Variants in CNOT1 observed in about 807,000 individuals in gnomAD.
CNOT1 encodes CCR4-NOT transcription complex subunit 1, also known as CCR4-associated factor 1.
CNOT1 carries 15 observed loss-of-function variants against 273.8 expected under a neutral mutation model. That is an observed-to-expected ratio of 0.05 (90% CI 0.04 to 0.08). CNOT1 has a LOEUF of 0.08. Ranked by LOEUF, CNOT1 falls within the 10% of genes least tolerant of loss-of-function variation. The pLI is 1.00. For missense variants in CNOT1, 1,644 were observed against 2,912.2 expected, an observed-to-expected ratio of 0.56 and a Z score of 10.02; for synonymous variants, 1,022 against 1,005.5, an observed-to-expected ratio of 1.02 and a Z score of -0.31.
At chr16:58,586,188 T>C (rs2041829071) in intron 7 of CNOT1, among the ~76,000 whole-genome samples, 1 of 125,614 alleles carries the variant, frequency 8.0e-6, no homozygotes, top group Non-Finnish European at 1.6e-5. Context: ...CTGGGATTAT[T>C]GGCCTGAGCC....
At chr16:58,628,859 T>C (rs2043696607) in intron 1 of CNOT1, among the ~76,000 whole-genome samples, 1 of 152,242 alleles carries the variant, frequency 6.6e-6, no homozygotes, top group African/African-American at 2.4e-5. Flanking sequence ...CTGTGAGCCC[T>C]CTTGGGTGAA....
At chr16:58,590,821 C>T (rs961089216) in intron 2 of CNOT1, among the ~76,000 whole-genome samples, 2 of 152,188 alleles carry the variant, frequency 1.3e-5, no homozygotes, top group Non-Finnish European at 2.9e-5. Flanking sequence ...TTAACCAGAT[C>T]TCTCACCCTT....
chr16:58,566,275 C>T (rs913123246), intron 16 of CNOT1, among the ~76,000 whole-genome samples: 3 of 152,168 alleles, frequency 2.0e-5, no homozygotes. Context: ...ACAACTCCAT[C>T]GTAATTCTTC....
At chr16:58,627,863 C>T (rs1218164397) in intron 1 of CNOT1, among the ~76,000 whole-genome samples, 1 of 152,112 alleles carries the variant, frequency 6.6e-6, no homozygotes, top group Non-Finnish European at 1.5e-5. Context: ...GGAGTCTCCC[C>T]GTCCCCCAGG....
In CNOT1 at chr16:58,555,307, A is replaced by G. The variant is rs765021846; in HGVS notation, c.2835T>C (p.Pro945=). The change falls in exon 21 of 49, where the codon CCT becomes CCC. Residue 945 remains proline, a synonymous_variant. Transcript: ENST00000317147. The part of the protein sequence containing the change: ...LRYVLEALRK[P]FGSKMYYFGI... ...CGAAATAATACATTTTGGATCCAAA[A>G]GGCTTGCGTAAGGCTTCAAGAACAT... The G allele has an allele frequency of 3.1e-6, 5 of 1,614,176 alleles. No homozygotes were observed. In the South Asian group the frequency reaches 5.5e-5, roughly 18 times the overall value.
At chr16:58,555,748 T>C in intron 20 of CNOT1, 36 bp downstream of exon 20, 3 of 1,612,462 alleles carry the variant, frequency 1.9e-6, no homozygotes, top group Admixed American at 1.7e-5. Flanking sequence ...AAGACTGGCC[T>C]AAACAATAAA....
At chr16:58,546,286 A>G in intron 29 of CNOT1, 35 bp downstream of exon 29, 3 of 1,562,526 alleles carry the variant, frequency 1.9e-6, no homozygotes, top group African/African-American at 1.4e-5. Flanking sequence ...TATCCTAGCT[A>G]ACAGAAGCCT....
intron 24 of CNOT1, among the ~76,000 whole-genome samples, chr16:58,550,686 A>G (rs1003404057): frequency 1.3e-5 from 2 of 152,194 alleles, no homozygotes; most frequent in African/African-American, 4.8e-5. Flanking sequence ...AAAAAGTTAT[A>G]ACAGGATTTG....
At chr16:58,609,000 T>C (rs2042790717) in intron 1 of CNOT1, among the ~76,000 whole-genome samples, 1 of 152,024 alleles carries the variant, frequency 6.6e-6, no homozygotes, top group Admixed American at 6.6e-5. Context: ...GGGAAGGGGA[T>C]GAGGAATAAA....
intron 17 of CNOT1, 110 bp from the exon 18 acceptor site, chr16:58,558,784 C>A: frequency 7.2e-7 from 1 of 1,396,790 alleles, no homozygotes; most frequent in Non-Finnish European, 9.7e-7. Flanking sequence ...CAAACTATTA[C>A]ACCCACTCAA....
chr16:58,541,443 T>C, intron 34 of CNOT1, 58 bp downstream of exon 34: 3 of 1,582,212 alleles, frequency 1.9e-6, no homozygotes, highest in Non-Finnish European at 2.6e-6. Context: ...ATATATTAAA[T>C]GTCAAAAACA....
At chr16:58,553,921 GT>G in intron 21 of CNOT1, 61 bp from the exon 22 acceptor site, 1 of 1,524,204 alleles carries the variant, frequency 6.6e-7, no homozygotes, top group East Asian at 2.5e-5. Flanking sequence ...CTAACAAAAT[GT>G]TTTTGTCCAA....
intron 16 of CNOT1, among the ~76,000 whole-genome samples, chr16:58,573,004 A>T (rs2041331657): frequency 6.6e-6 from 1 of 151,916 alleles, no homozygotes; most frequent in South Asian, 2.1e-4. Context: ...ATGAAAAAAT[A>T]TCACTGAAAA....
chr16:58,601,708 C>T (rs933464106), intron 1 of CNOT1, among the ~76,000 whole-genome samples: 2 of 140,402 alleles, frequency 1.4e-5, no homozygotes, highest in Non-Finnish European at 3.0e-5. Context: ...AAAGGTTCTA[C>T]ATATGCTAGT....
intron 2 of CNOT1, among the ~76,000 whole-genome samples, chr16:58,594,145 G>A (rs1478591489): frequency 1.3e-5 from 2 of 152,208 alleles, no homozygotes; most frequent in African/African-American, 4.8e-5. Flanking sequence ...TCAGGAGGCT[G>A]AGGCAAGAGA....
At chr16:58,603,040 C>T (rs1265950789) in intron 1 of CNOT1, among the ~76,000 whole-genome samples, 1 of 152,236 alleles carries the variant, frequency 6.6e-6, no homozygotes, top group Admixed American at 6.6e-5. Context: ...GCCAATCTGA[C>T]AGGAAATTAT....
In CNOT1 at chr16:58,555,252, T is replaced by G; in HGVS notation, c.2890A>C (p.Arg964=). ...TTCACAGGAAACCTATCCACTTACC[T>G]GTTTTTAAATCTATCTAGTGCAGCA... is the stretch of plus-strand genomic sequence containing the variant. ...GIAALDRFKN[R]LKDYPQYCQH... The change falls in exon 21 of 49, where the codon AGA becomes CGA. Residue 964 remains arginine, a splice_region_variant and synonymous_variant. Transcript: ENST00000317147. 6.2e-7 allele frequency: 1 copy of G among 1,613,828 alleles called. No individual in the cohort carries two copies.
Position 58,520,637 on chromosome 16 carries a change from A to T in CNOT1, c.*321T>A. On this transcript the variant is annotated 3_prime_UTR_variant, in exon 49 of 49. Coordinates refer to ENST00000317147, the MANE Select transcript of CNOT1 (RefSeq NM_016284.5). ...AGCTGCCTCTTCATTACAAGGTACCAGTTTATGTACTTGCCTTGGACACAG... is the reference window on the plus strand; with the variant it reads ...AGCTGCCTCTTCATTACAAGGTACCTGTTTATGTACTTGCCTTGGACACAG... 3.0e-6 allele frequency: 1 copy of T among 330,008 alleles called. No individual in the cohort carries two copies. Among genetic ancestry groups the T allele is most frequent in the Non-Finnish European group, 5.7e-6 (1 of 174,496 alleles). 20.4% of individuals were successfully genotyped at this position (330,008 alleles called of 1,614,324 possible). A position where few individuals can be genotyped will look rare whatever the true frequency, so the allele number is the denominator to read the frequency against.
chr16:58,528,595 A>G lies in CNOT1; in HGVS notation c.6333T>C (p.Cys2111=). Residue 2111 remains cysteine (C), a synonymous_variant, in exon 44 of 49, where the codon TGT becomes TGC. Coordinates refer to ENST00000317147, the MANE Select transcript of CNOT1 (RefSeq NM_016284.5). ...CATCACAGAACCCATAATGGTAATC[A>G]CAAAGGAACTCTGGGAAATCATGCA... ...VLLHDFPEFL[C]DYHYGFCDVI... is the part of the protein sequence containing the mutation. 1.9e-6 allele frequency: 3 copies of G among 1,613,850 alleles called. No individual in the cohort carries two copies. Among genetic ancestry groups the G allele is most frequent in the Non-Finnish European group, 1.7e-6 (2 of 1,179,778 alleles).
Sources: allele counts gnomAD v4.1 joint callset (sites outside exome capture counted in the v4.1 genomes callset), GRCh38; gene constraint gnomAD v4.1.1; transcripts MANE v1.5; gene names NCBI Gene and HGNC (gene_info 2026-07-23, HGNC 2026-07-21).